ANKS3: variants seen among roughly 807,000 people sequenced by gnomAD.
ANKS3 encodes the protein ankyrin repeat and sterile alpha motif domain containing 3.
ANKS3 carries 62 observed loss-of-function variants against 80.7 expected under a neutral mutation model. That is an observed-to-expected ratio of 0.77 (90% confidence interval 0.63 to 0.95). ANKS3 has a LOEUF of 0.95. Among genes scored for constraint, ANKS3 ranks in the 40% least tolerant of loss-of-function variants. ANKS3 has a pLI of 0.00. For missense variants in ANKS3, 1,150 were observed against 883.6 expected (o/e 1.30, Z -3.82); for synonymous variants, 489 against 355.3 (o/e 1.38, Z -4.23).
At chr16:4,698,317 C>T in intron 14 of ANKS3, 110 bp downstream of exon 14, 5 of 1,395,116 alleles carry the variant, frequency 3.6e-6, no homozygotes, top group Non-Finnish European at 4.7e-6. Context: ...GCTCCAGACC[C>T]TGAAATCCAC....
chr16:4,724,914 G>A, intron 5 of ANKS3, 83 bp from the exon 6 acceptor site: 1 of 1,245,508 alleles, frequency 8.0e-7, no homozygotes, highest in Non-Finnish European at 1.2e-6. Context: ...TAAACCCTGA[G>A]CAGTGCACGA....
Position 4,698,933 on chromosome 16 carries a change from CCAAA to C in ANKS3, c.1414_1417del (p.Phe472GlyfsTer6). 1 of 1,601,546 alleles carries C rather than the reference CCAAA, an allele frequency of 6.2e-7. No homozygotes were observed. The highest frequency in any genetic ancestry group is 1.3e-5 in the African/African-American group (1 of 74,880). On this transcript the variant is annotated frameshift_variant, in exon 13 of 18. Coordinates refer to ENST00000304283, the MANE Select transcript of ANKS3 (RefSeq NM_133450.4). LOFTEE classifies it high-confidence loss of function. ...GGCGGACGTCATCTTCCTCTTGGGC[CCAAA>C]CAGCCTGCGGGGGGAATGTGACCAG...
In ANKS3 at chr16:4,713,583, A is replaced by G. The variant is rs1212490437; in HGVS notation, c.709+468T>C. 2.6e-5 allele frequency among the ~76,000 whole-genome samples: 4 copies of G among 152,210 alleles called. No homozygotes were observed. The East Asian group carries it at 7.7e-4, about 29-fold the overall frequency. On this transcript the variant is annotated intron_variant, in intron 7 of 17. Transcript: ENST00000304283. The stretch of plus-strand genomic sequence containing the variant: ...AATTTAAAACCCTCCTGCAAGACCC[A>G]AAAGTACATTGGAACAAGAAGTCAT...
Position 4,734,202 on chromosome 16 carries a change from A to C in ANKS3, c.-335T>G, listed in dbSNP as rs1361794714. On this transcript the variant is annotated 5_prime_UTR_variant, in exon 1 of 18. Coordinates refer to ENST00000304283, the MANE Select transcript of ANKS3 (RefSeq NM_133450.4). ...GCGCCGCCCTCGGGCTGCCGTCGCC[A>C]ACCCCCCCCAAACAGCTCGCCGCCA... is the stretch of plus-strand genomic sequence containing the variant. The C allele has an allele frequency of 2.7e-5, 3 of 109,218 alleles. No homozygotes were observed. The highest frequency in any genetic ancestry group is 1.5e-4 in the African/African-American group (3 of 19,380). The allele number at this position is 109,218 out of a possible 1,614,324, so 6.8% of individuals were successfully genotyped here.
At chr16:4,706,399 TC>T (rs1408299086) in intron 7 of ANKS3, among the ~76,000 whole-genome samples, 1 of 151,820 alleles carries the variant, frequency 6.6e-6, no homozygotes, top group Non-Finnish European at 1.5e-5. Context: ...GCCCAGCTAA[TC>T]TTGTTTTTGT....
Position 4,730,100 on chromosome 16 carries a change from C to G in ANKS3, c.50G>C (p.Ser17Thr). ...CCCGAGCCCGTGCCACATGGACAAG[C>G]TGCGGTTCAGGAGTTCCGGCTCGCT... ...EASEPELLNR[S>T]LSMWHGLGTQ... Residue 17 changes from serine (S) to threonine (T), a missense_variant, in exon 3 of 18, where the codon AGC (serine) becomes ACC (threonine). By Grantham distance (58) the Ser-to-Thr change is moderately conservative (BLOSUM62 1). Transcript: ENST00000304283. 1 of 1,595,002 alleles carries G rather than the reference C, an allele frequency of 6.3e-7. No individual in the cohort carries two copies. The highest frequency in any genetic ancestry group is 1.3e-5 in the African/African-American group (1 of 74,206).
intron 8 of ANKS3, among the ~76,000 whole-genome samples, chr16:4,704,410 C>T (rs1447992950): frequency 6.6e-6 from 1 of 152,094 alleles, no homozygotes; most frequent in East Asian, 1.9e-4. Context: ...GGGTGACAGC[C>T]ATCAAAGGAA....
intron 17 of ANKS3, 25 bp from the exon 18 acceptor site, chr16:4,696,921 AGG>A: frequency 8.9e-7 from 1 of 1,128,020 alleles, no homozygotes; most frequent in Non-Finnish European, 1.3e-6. Context: ...CCCGGTGAGA[AGG>A]GAGGGGGACA....
intron 6 of ANKS3, among the ~76,000 whole-genome samples, chr16:4,715,214 G>A (rs78317412): frequency 0.012 from 1,808 of 152,156 alleles, 43 homozygotes; most frequent in African/African-American, 0.041. Context: ...GCCAAGGCAG[G>A]TGGATCGCTC....
intron 1 of ANKS3, among the ~76,000 whole-genome samples, chr16:4,733,030 G>A (rs1001376140): frequency 2.6e-5 from 4 of 151,924 alleles, no homozygotes; most frequent in South Asian, 4.2e-4. Context: ...CAAAACAACT[G>A]AACTCATGGA....
intron 7 of ANKS3, among the ~76,000 whole-genome samples, chr16:4,706,959 A>C (rs1277056545): frequency 6.6e-6 from 1 of 152,162 alleles, no homozygotes; most frequent in Non-Finnish European, 1.5e-5. Context: ...AACGTGGGCC[A>C]CTCTGTCCTT....
chr16:4,697,822 CCT>C (rs1364106344), intron 15 of ANKS3, among the ~76,000 whole-genome samples, 153 bp downstream of exon 15: 30 of 152,150 alleles, frequency 2.0e-4, no homozygotes, highest in Non-Finnish European at 3.2e-4. Flanking sequence ...CCCAGGGCCC[CCT>C]CTTTTCCTTG....
chr16:4,729,866 A>T (rs2081532818), intron 3 of ANKS3, 114 bp downstream of exon 3: 1 of 1,076,956 alleles, frequency 9.3e-7, no homozygotes, highest in Non-Finnish European at 1.2e-6. Flanking sequence ...AAGCAGGTTA[A>T]CCTATTCTAC....
chr16:4,724,480 G>C (rs1188988115), intron 6 of ANKS3, among the ~76,000 whole-genome samples: 1 of 152,162 alleles, frequency 6.6e-6, no homozygotes, highest in Non-Finnish European at 1.5e-5. Context: ...AGGATTATGA[G>C]TGCTATTTAC....
chr16:4,711,360 T>C (rs57183997), intron 7 of ANKS3, among the ~76,000 whole-genome samples: 81,386 of 150,762 alleles, frequency 0.54, 22,213 homozygotes, highest in East Asian at 0.67. Context: ...AACTCGGCCT[T>C]CCAAAGTGCT....
chr16:4,703,882 T>C (rs1280477843), intron 8 of ANKS3, among the ~76,000 whole-genome samples: 1 of 151,982 alleles, frequency 6.6e-6, no homozygotes, highest in Non-Finnish European at 1.5e-5. Flanking sequence ...CAGACATGTA[T>C]GATTTTGTTA....
chr16:4,726,588 C>A, intron 5 of ANKS3, 71 bp downstream of exon 5: 1 of 1,554,844 alleles, frequency 6.4e-7, no homozygotes, highest in South Asian at 1.1e-5. Context: ...TTAGCTGCCT[C>A]CAGAGCCACC....
In ANKS3 at chr16:4,733,957, G is replaced by A; in HGVS notation, c.-90C>T. ...ACTCACAGCAGTGACGCTTCCCGAC[G>A]CCCCCCGGCCACATCCCCACAGGAA... is the stretch of plus-strand genomic sequence containing the variant. On this transcript the variant is annotated 5_prime_UTR_variant, in exon 1 of 18. Transcript: ENST00000304283. 2 of 985,422 alleles carry A rather than the reference G, an allele frequency of 2.0e-6. No homozygotes were observed. Among genetic ancestry groups the A allele is most frequent in the Non-Finnish European group, 2.4e-6 (2 of 829,970 alleles). 61.0% of individuals were successfully genotyped at this position (985,422 alleles called of 1,614,324 possible). A position where few individuals can be genotyped will look rare whatever the true frequency, so the allele number is the denominator to read the frequency against.
intron 7 of ANKS3, among the ~76,000 whole-genome samples, chr16:4,713,275 A>G (rs1172548458): frequency 6.6e-6 from 1 of 152,202 alleles, no homozygotes; most frequent in Non-Finnish European, 1.5e-5. Context: ...GTATCAAAAA[A>G]AAAACAAAAG....
Sources: allele counts gnomAD v4.1 joint callset (sites outside exome capture counted in the v4.1 genomes callset), GRCh38; gene constraint gnomAD v4.1.1; transcripts MANE v1.5; gene names NCBI Gene and HGNC (gene_info 2026-07-23, HGNC 2026-07-21).